PRUNE2: variants seen among roughly 807,000 people sequenced by gnomAD.
PRUNE2 encodes the protein prune homolog 2 with BCH domain.
Under a neutral mutation model 252.0 loss-of-function variants are expected in PRUNE2, and 164 were observed. That is an observed-to-expected ratio of 0.65 (90% CI 0.57 to 0.74). The LOEUF is 0.74. PRUNE2 is among the 30% of genes least tolerant of loss of function. The probability of loss-of-function intolerance (pLI) is 0.00; values close to 1 mark genes in which losing one functional copy is unlikely to be tolerated. For missense variants in PRUNE2, 3,495 were observed against 3,711.0 expected (o/e 0.94, Z 1.51); for synonymous variants, 1,292 against 1,350.2 (o/e 0.96, Z 0.94).
intron 1 of PRUNE2, among the ~76,000 whole-genome samples, chr9:76,901,145 C>T (rs905531559): frequency 2.6e-5 from 4 of 152,148 alleles, no homozygotes; most frequent in African/African-American, 7.2e-5. Flanking sequence ...TATGGCTCTT[C>T]TCCAAAGGTC....
chr9:76,894,149 T>C (rs2062664881), intron 1 of PRUNE2, among the ~76,000 whole-genome samples: 1 of 152,182 alleles, frequency 6.6e-6, no homozygotes, highest in Non-Finnish European at 1.5e-5. Flanking sequence ...AAACAAAACC[T>C]GAATCAAAGT....
chr9:76,837,279 T>C (rs1330980665), intron 4 of PRUNE2, among the ~76,000 whole-genome samples: 1 of 151,916 alleles, frequency 6.6e-6, no homozygotes, highest in Non-Finnish European at 1.5e-5. Context: ...CCGTCTCTAC[T>C]AAAAATACAA....
At chr9:76,864,681 A>G (rs549027942) in intron 1 of PRUNE2, among the ~76,000 whole-genome samples, 1 of 152,340 alleles carries the variant, frequency 6.6e-6, no homozygotes, top group South Asian at 2.1e-4. Flanking sequence ...CTATATATTG[A>G]TTTTTAAAAA....
At chr9:76,682,361 AC>A (rs1442527156) in intron 9 of PRUNE2, among the ~76,000 whole-genome samples, 2 of 99,048 alleles carry the variant, frequency 2.0e-5, no homozygotes, top group African/African-American at 6.0e-5. Flanking sequence ...ATCACTATTA[AC>A]TTTTTTTTTT....
At chr9:76,855,064 C>CAAAAAAAAAAAAA (rs772890225) in intron 1 of PRUNE2, among the ~76,000 whole-genome samples, 1 of 78,210 alleles carries the variant, frequency 1.3e-5, no homozygotes, top group African/African-American at 6.2e-5. Context: ...GACTCCATCT[C>CAAAAAAAAAAAAA]AAAAAAAAAA....
chr9:76,887,202 A>G (rs1464889522), intron 1 of PRUNE2, among the ~76,000 whole-genome samples: 1 of 152,152 alleles, frequency 6.6e-6, no homozygotes. Context: ...AACTTGGGAC[A>G]TAGATGCAGC....
chr9:76,717,744 A>T (rs1009892456), intron 6 of PRUNE2, among the ~76,000 whole-genome samples: 1 of 152,162 alleles, frequency 6.6e-6, no homozygotes, highest in Admixed American at 6.6e-5. Context: ...CATGGAATTT[A>T]GGAAGTTACT....
rs764140194 is a variant in PRUNE2 at position 76,706,993 on chromosome 9, G to A, written c.5281C>T (p.Gln1761Ter). The part of the protein sequence containing the change: ...NKSNPFCDNQ[Q>*]SSPDPWTFSP... ...AAAGTCCAGGGATCAGGGCTGCTTT[G>A]TTGATTGTCACAGAATGGGTTTGAC... The change falls in exon 8 of 19, where the codon CAA becomes TAA. Residue 1761 changes from glutamine (Q) to a stop codon, truncating the protein, a stop_gained. Coordinates refer to ENST00000376718, the MANE Select transcript of PRUNE2 (RefSeq NM_015225.3). LOFTEE classifies it high-confidence loss of function. The A allele has an allele frequency of 6.2e-7, 1 of 1,613,998 alleles. No individual in the cohort carries two copies. The highest frequency in any genetic ancestry group is 8.5e-7 in the Non-Finnish European group (1 of 1,179,872).
intron 6 of PRUNE2, among the ~76,000 whole-genome samples, chr9:76,762,986 G>A (rs993852740): frequency 2.0e-5 from 3 of 152,166 alleles, no homozygotes; most frequent in African/African-American, 7.2e-5. Context: ...CAACCTCATT[G>A]AATGGTTGCC....
chr9:76,886,665 A>G (rs1479099581), intron 1 of PRUNE2, among the ~76,000 whole-genome samples: 1 of 152,176 alleles, frequency 6.6e-6, no homozygotes, highest in Non-Finnish European at 1.5e-5. Context: ...TTTATGTAAC[A>G]TATTTTAAAG....
At chr9:76,774,459 T>TTATTTATTTATTTA (rs2053502173) in intron 6 of PRUNE2, among the ~76,000 whole-genome samples, 2 of 139,036 alleles carry the variant, frequency 1.4e-5, no homozygotes, top group Non-Finnish European at 3.2e-5. Context: ...CCTTTTTTTT[T>TTATTTATTTATTTA]TTTTTTTTTT....
intron 11 of PRUNE2, among the ~76,000 whole-genome samples, chr9:76,645,778 C>A (rs941795544): frequency 1.3e-5 from 2 of 152,152 alleles, no homozygotes; most frequent in African/African-American, 4.8e-5. Flanking sequence ...TTATTTATAA[C>A]CTTCACAATA....
At chr9:76,646,844 G>A (rs556945487) in intron 11 of PRUNE2, among the ~76,000 whole-genome samples, 9 of 152,200 alleles carry the variant, frequency 5.9e-5, no homozygotes, top group Non-Finnish European at 1.0e-4. Context: ...TGGGGTGAAC[G>A]TAGGGTTGTT....
chr9:76,618,205 T>C (rs144592399), intron 18 of PRUNE2, among the ~76,000 whole-genome samples: 448 of 152,338 alleles, frequency 2.9e-3, no homozygotes, highest in African/African-American at 7.9e-3. Context: ...CTTTGCTCTT[T>C]GTGAACTTTT....
At chr9:76,905,542 C>CT (rs1285635450) in intron 1 of PRUNE2, among the ~76,000 whole-genome samples, 3 of 152,136 alleles carry the variant, frequency 2.0e-5, no homozygotes, top group Non-Finnish European at 2.9e-5. Context: ...CTAAGGGTCT[C>CT]TTTTTTTCCT....
intron 11 of PRUNE2, among the ~76,000 whole-genome samples, chr9:76,646,703 T>G (rs1162629224): frequency 6.6e-6 from 1 of 152,212 alleles, no homozygotes; most frequent in African/African-American, 2.4e-5. Context: ...CTCTGGATTC[T>G]GAAGCAGGTT....
chr9:76,723,229 G>A (rs2047798878), intron 6 of PRUNE2, among the ~76,000 whole-genome samples: 1 of 152,176 alleles, frequency 6.6e-6, no homozygotes, highest in African/African-American at 2.4e-5. Context: ...GAAAAGTTGG[G>A]CATGCAAGTG....
chr9:76,837,431 A>T (rs1445011606), intron 4 of PRUNE2, among the ~76,000 whole-genome samples: 3 of 126,508 alleles, frequency 2.4e-5, no homozygotes, highest in African/African-American at 8.6e-5. Context: ...ACACAGTGAG[A>T]CTCTGTCTCA....
chr9:76,729,957 A>G (rs1433985546), intron 6 of PRUNE2, among the ~76,000 whole-genome samples: 2 of 152,200 alleles, frequency 1.3e-5, no homozygotes, highest in African/African-American at 4.8e-5. Context: ...TAGCTGTATT[A>G]TCCTAATTTG....
Sources: allele counts gnomAD v4.1 joint callset (sites outside exome capture counted in the v4.1 genomes callset), GRCh38; gene constraint gnomAD v4.1.1; transcripts MANE v1.5; gene names NCBI Gene and HGNC (gene_info 2026-07-23, HGNC 2026-07-21).